The following ZNF532 variants were observed in gnomAD, a reference collection of about 807,000 sequenced individuals.
The protein encoded by ZNF532 is zinc finger protein 532.
Under a neutral mutation model 89.3 loss-of-function variants are expected in ZNF532, and 22 were observed. That is an observed-to-expected ratio of 0.25 (90% CI 0.18 to 0.35). The LOEUF is 0.35. Ranked by LOEUF, ZNF532 falls within the 10% of genes least tolerant of loss-of-function variation. The pLI is 1.00. For missense variants in ZNF532, 1,132 were observed against 1,643.4 expected (o/e 0.69, Z 5.38); for synonymous variants, 606 against 649.6 (o/e 0.93, Z 1.02).
chr18:58,903,206 A>T (rs116409153), intron 2 of ZNF532, among the ~76,000 whole-genome samples: 1 of 152,146 alleles, frequency 6.6e-6, no homozygotes, highest in Non-Finnish European at 1.5e-5. Context: ...TGAGTTCTTC[A>T]TACTTGGCTA....
At chr18:58,923,208 G>T (rs2061261432) in intron 3 of ZNF532, among the ~76,000 whole-genome samples, 1 of 152,018 alleles carries the variant, frequency 6.6e-6, no homozygotes, top group Non-Finnish European at 1.5e-5. Context: ...CACCAGCGAA[G>T]GGCGTTGGTT....
At chr18:58,964,497 T>C (rs999080005) in intron 7 of ZNF532, among the ~76,000 whole-genome samples, 2 of 152,198 alleles carry the variant, frequency 1.3e-5, no homozygotes, top group Non-Finnish European at 2.9e-5. Flanking sequence ...ATGAAACTTA[T>C]TTTTCATTAG....
At chr18:58,924,150 G>A (rs1457450896) in intron 3 of ZNF532, among the ~76,000 whole-genome samples, 1 of 152,092 alleles carries the variant, frequency 6.6e-6, no homozygotes, top group South Asian at 2.1e-4. Flanking sequence ...ATCCACCCCC[G>A]CCCGGCTAGC....
intron 3 of ZNF532, among the ~76,000 whole-genome samples, chr18:58,923,813 C>T (rs756440263): frequency 5.3e-5 from 8 of 152,018 alleles, no homozygotes; most frequent in East Asian, 1.9e-4. Context: ...CCTGAAGTAC[C>T]GGCAACTGTG....
intron 2 of ZNF532, among the ~76,000 whole-genome samples, chr18:58,876,153 C>T (rs2057410585): frequency 6.6e-6 from 1 of 152,066 alleles, no homozygotes; most frequent in Non-Finnish European, 1.5e-5. Flanking sequence ...CCAGGATGGT[C>T]TCGATCTCCT....
At chr18:58,938,589 A>G (rs2146580675) in intron 4 of ZNF532, among the ~76,000 whole-genome samples, 1 of 152,316 alleles carries the variant, frequency 6.6e-6, no homozygotes, top group African/African-American at 2.4e-5. Context: ...CTAGGAGACA[A>G]AACACCTAGG....
At chr18:58,983,214 G>T (rs769591512) in intron 9 of ZNF532, among the ~76,000 whole-genome samples, 1 of 152,178 alleles carries the variant, frequency 6.6e-6, no homozygotes, top group African/African-American at 2.4e-5. Context: ...GCGGAGAGGA[G>T]GGGCACGTTG....
chr18:58,901,976 G>C (rs1224425120), intron 2 of ZNF532, among the ~76,000 whole-genome samples: 3 of 152,156 alleles, frequency 2.0e-5, no homozygotes, highest in Non-Finnish European at 4.4e-5. Context: ...GCATGGTGAG[G>C]ACTTCTTAGC....
intron 3 of ZNF532, among the ~76,000 whole-genome samples, chr18:58,922,981 A>G (rs2061238112): frequency 7.8e-6 from 1 of 128,346 alleles, no homozygotes; most frequent in Non-Finnish European, 1.6e-5. Context: ...AGGAGGAGAG[A>G]TGAACATCTT....
chr18:58,902,566 C>G (rs998683147), intron 2 of ZNF532, among the ~76,000 whole-genome samples: 1 of 150,766 alleles, frequency 6.6e-6, no homozygotes, highest in Non-Finnish European at 1.5e-5. Flanking sequence ...GATCTCGACT[C>G]ACTGCAGCCT....
chr18:58,953,088 A>G (rs2064383000), intron 6 of ZNF532: 1 of 156,634 alleles, frequency 6.4e-6, no homozygotes, highest in African/African-American at 2.4e-5. Context: ...ATGTTTGCTC[A>G]AGTCAGTTTG....
At chr18:58,941,369 G>A (rs973207392) in intron 5 of ZNF532, among the ~76,000 whole-genome samples, 1 of 151,814 alleles carries the variant, frequency 6.6e-6, no homozygotes, top group Non-Finnish European at 1.5e-5. Flanking sequence ...ACCTCAGAAT[G>A]TAAGGAAGCA....
At chr18:58,981,030 TCTA>T (rs2067706160) in intron 8 of ZNF532, 1 of 167,628 alleles carries the variant, frequency 6.0e-6, no homozygotes, top group Non-Finnish European at 1.3e-5. Context: ...CTGCTTATCA[TCTA>T]CTGAGTGACC....
intron 5 of ZNF532, among the ~76,000 whole-genome samples, chr18:58,944,788 A>C (rs924001076): frequency 2.6e-5 from 4 of 152,176 alleles, no homozygotes; most frequent in Non-Finnish European, 4.4e-5. Flanking sequence ...TCCTACAAAA[A>C]AGCTGGAAGA....
rs146289063 is a variant in ZNF532, at chr18:58,920,205, G to A, written c.1918G>A (p.Val640Met). The A allele has an allele frequency of 5.8e-4, 942 of 1,613,712 alleles. No individual in the cohort carries two copies. The highest frequency in any genetic ancestry group is 7.1e-4 in the Non-Finnish European group (839 of 1,179,640). Residue 640 changes from valine to methionine, a missense_variant, in exon 3 of 10, where the codon GTG becomes ATG. By Grantham distance (21) the Val-to-Met change is conservative. Around this residue, in one of 9 missense-constraint regions of ZNF532, gnomAD observed 70 missense variants for 152.1 expected, o/e 0.46. Coordinates refer to ENST00000591808, the MANE Select transcript of ZNF532 (RefSeq NM_001375912.1). ...GACCCAGCACTACGACAGACGGAGC[G>A]TGCGCATCGAAGTAACGTGCAACCA... Reference protein sequence around the residue: ...SLTQHYDRRSVRIEVTCNHCT... With the variant: ...SLTQHYDRRSMRIEVTCNHCT...
chr18:58,877,936 G>A (rs984256385), intron 2 of ZNF532, among the ~76,000 whole-genome samples: 13 of 121,848 alleles, frequency 1.1e-4, no homozygotes, highest in African/African-American at 4.5e-4. Context: ...CATGCCAAGA[G>A]TCAGGGTAAG....
chr18:58,904,997 A>G (rs1443605120), intron 2 of ZNF532, among the ~76,000 whole-genome samples: 2 of 151,752 alleles, frequency 1.3e-5, no homozygotes, highest in Non-Finnish European at 2.9e-5. Flanking sequence ...GCGTGACACC[A>G]TGGCCGGCCA....
intron 2 of ZNF532, among the ~76,000 whole-genome samples, chr18:58,914,362 C>A (rs1042913720): frequency 1.3e-5 from 2 of 152,194 alleles, no homozygotes; most frequent in Non-Finnish European, 2.9e-5. Context: ...AATTATAGGT[C>A]ATTTATATAG....
chr18:58,904,766 G>A (rs1341089590), intron 2 of ZNF532, among the ~76,000 whole-genome samples: 2 of 151,934 alleles, frequency 1.3e-5, no homozygotes, highest in African/African-American at 2.4e-5. Flanking sequence ...GGCTGTAGTC[G>A]TGGAAGATAA....
Sources: gnomAD v4.1 joint callset for allele counts (sites outside exome capture counted in the v4.1 genomes callset) on GRCh38, gnomAD v4.1.1 for gene constraint, gnomAD v4.1.1 regional missense constraint, MANE v1.5 for transcripts, NCBI Gene and HGNC (gene_info 2026-07-23, HGNC 2026-07-21) for gene names.